Variants in RIMS1 observed in about 807,000 individuals in gnomAD.
The protein encoded by RIMS1 is regulating synaptic membrane exocytosis 1.
A neutral mutation model predicts 214.1 loss-of-function variants in RIMS1; 83 were observed. That is an observed-to-expected ratio of 0.39 (90% CI 0.32 to 0.47). RIMS1 has a LOEUF of 0.47. RIMS1 is among the 20% of genes least tolerant of loss of function. RIMS1 has a pLI of 0.99. For missense variants in RIMS1, 2,050 were observed against 2,161.8 expected, an observed-to-expected ratio of 0.95 and a Z score of 1.03; for synonymous variants, 793 against 786.8, an observed-to-expected ratio of 1.01 and a Z score of -0.13.
At chr6:72,202,966 C>T (rs2052284277) in intron 6 of RIMS1, among the ~76,000 whole-genome samples, 1 of 152,072 alleles carries the variant, frequency 6.6e-6, no homozygotes. Flanking sequence ...AGCAAGTACT[C>T]CATAAATATT....
At chr6:72,064,116 G>A (rs766648245) in intron 2 of RIMS1, among the ~76,000 whole-genome samples, 13 of 152,244 alleles carry the variant, frequency 8.5e-5, no homozygotes, top group African/African-American at 1.9e-4. Context: ...TCAAGAGTTC[G>A]AGACCAGCCT....
chr6:72,301,060 T>C (rs2094556805), intron 26 of RIMS1, among the ~76,000 whole-genome samples: 1 of 151,816 alleles, frequency 6.6e-6, no homozygotes. Context: ...CTGTTTCTCA[T>C]GCTGGTAGAT....
At chr6:72,373,286 T>C (rs1344727524) in intron 29 of RIMS1, among the ~76,000 whole-genome samples, 1 of 152,252 alleles carries the variant, frequency 6.6e-6, no homozygotes, top group African/African-American at 2.4e-5. Flanking sequence ...CAGTATTTAA[T>C]ATTCTTATAA....
At chr6:72,042,195 A>G (rs1291634925) in intron 2 of RIMS1, among the ~76,000 whole-genome samples, 8 of 151,930 alleles carry the variant, frequency 5.3e-5, no homozygotes, top group Admixed American at 5.3e-4. Flanking sequence ...CACTATAGAA[A>G]GCTAAAGTGT....
At chr6:72,273,440 A>T (rs1226198077) in intron 22 of RIMS1, among the ~76,000 whole-genome samples, 1 of 152,110 alleles carries the variant, frequency 6.6e-6, no homozygotes, top group Non-Finnish European at 1.5e-5. Flanking sequence ...AAAAATTTTA[A>T]TTCTGACCCA....
chr6:72,314,848 A>G (rs2095685604), intron 28 of RIMS1, among the ~76,000 whole-genome samples: 2 of 152,076 alleles, frequency 1.3e-5, no homozygotes, highest in South Asian at 4.1e-4. Flanking sequence ...TTTTTACCTT[A>G]TTCACTGAAA....
rs886289446 is a variant in RIMS1 at position 72,077,193 on chromosome 6, T to C, written c.246-19756T>C. Among the ~76,000 whole-genome samples, 3 of 152,222 alleles carry C rather than the reference T, an allele frequency of 2.0e-5. No individual in the cohort carries two copies. In the South Asian group the frequency reaches 6.2e-4, roughly 32 times the overall value. The stretch of plus-strand genomic sequence containing the variant: ...CTCACTCAGGCTTCCCTGACAATCC[T>C]GTCTATGTAGCCATGTCCTACCCCT... On this transcript the variant is annotated intron_variant, in intron 2 of 33. Transcript: ENST00000521978.
intron 2 of RIMS1, among the ~76,000 whole-genome samples, chr6:72,084,215 TATG>T (rs1834103982): frequency 1.3e-5 from 2 of 152,290 alleles, no homozygotes; most frequent in East Asian, 3.9e-4. Context: ...TTGCATGGAG[TATG>T]ATTAGACCTA....
chr6:72,367,713 G>A (rs2098083220), intron 29 of RIMS1, among the ~76,000 whole-genome samples: 1 of 152,130 alleles, frequency 6.6e-6, no homozygotes, highest in African/African-American at 2.4e-5. Context: ...CAAAAACAGT[G>A]CTGTTCTCCA....
intron 2 of RIMS1, among the ~76,000 whole-genome samples, chr6:72,006,627 A>G (rs1807755245): frequency 6.6e-6 from 1 of 152,180 alleles, no homozygotes; most frequent in Non-Finnish European, 1.5e-5. Context: ...CTCCCACCCT[A>G]ACACTGCGCT....
At chr6:72,147,417 G>A (rs1270714581) in intron 4 of RIMS1, among the ~76,000 whole-genome samples, 1 of 152,166 alleles carries the variant, frequency 6.6e-6, no homozygotes, top group Non-Finnish European at 1.5e-5. Flanking sequence ...GTGGTTTCTA[G>A]GGCCTAATAA....
At chr6:72,345,690 A>G (rs17690249) in intron 29 of RIMS1, among the ~76,000 whole-genome samples, 28,918 of 151,700 alleles carry the variant, frequency 0.19, 3,451 homozygotes, top group Middle Eastern at 0.27. Context: ...AAAAATGTGT[A>G]TTTAAGACCA....
At chr6:72,286,023 C>T (rs1182982152) in intron 24 of RIMS1, among the ~76,000 whole-genome samples, 3 of 152,044 alleles carry the variant, frequency 2.0e-5, no homozygotes, top group South Asian at 2.1e-4. Context: ...CATGGAGAAA[C>T]CCCATCTCTA....
At chr6:72,238,983 T>C (rs1037664989) in intron 9 of RIMS1, among the ~76,000 whole-genome samples, 31 of 152,134 alleles carry the variant, frequency 2.0e-4, no homozygotes, top group Non-Finnish European at 3.8e-4. Flanking sequence ...TTTTCTCCAT[T>C]TGCTATACAA....
intron 24 of RIMS1, among the ~76,000 whole-genome samples, chr6:72,285,546 G>C (rs1051263535): frequency 6.6e-6 from 1 of 151,858 alleles, no homozygotes; most frequent in African/African-American, 2.4e-5. Flanking sequence ...AGTGGTCCAT[G>C]GAGAAATTGA....
chr6:71,987,400 G>A (rs536603302), intron 2 of RIMS1, among the ~76,000 whole-genome samples: 42 of 152,300 alleles, frequency 2.8e-4, no homozygotes, highest in Non-Finnish European at 8.8e-5. Flanking sequence ...CACAGGCGGA[G>A]AGCAGAGATA....
chr6:72,055,463 T>G (rs2128388), intron 2 of RIMS1, among the ~76,000 whole-genome samples: 1 of 152,220 alleles, frequency 6.6e-6, no homozygotes, highest in Non-Finnish European at 1.5e-5. Context: ...ACAGATATAG[T>G]TTGACTTCTT....
At chr6:72,377,490 A>G (rs1024776996) in intron 29 of RIMS1, among the ~76,000 whole-genome samples, 3 of 152,192 alleles carry the variant, frequency 2.0e-5, no homozygotes, top group African/African-American at 4.8e-5. Flanking sequence ...CTCTTGGTCT[A>G]TGGGACAGGG....
At chr6:72,102,502 A>T (rs1406895565) in intron 4 of RIMS1, among the ~76,000 whole-genome samples, 3 of 152,018 alleles carry the variant, frequency 2.0e-5, no homozygotes, top group Admixed American at 1.3e-4. Flanking sequence ...CAAAGTTACA[A>T]TTTTTCAACT....
Sources: gnomAD v4.1 joint callset for allele counts (sites outside exome capture counted in the v4.1 genomes callset) on GRCh38, gnomAD v4.1.1 for gene constraint, MANE v1.5 for transcripts, NCBI Gene and HGNC (gene_info 2026-07-23, HGNC 2026-07-21) for gene names.